The following PTPRD variants were observed in gnomAD, a reference collection of about 807,000 sequenced individuals.
The protein encoded by PTPRD is protein tyrosine phosphatase receptor type D, also known as receptor-type tyrosine-protein phosphatase delta.
PTPRD carries 34 observed loss-of-function variants against 214.5 expected under a neutral mutation model. The observed-to-expected ratio is 0.16, with a 90% CI of 0.12 to 0.21. PTPRD has a LOEUF of 0.21. Among genes scored for constraint, PTPRD ranks in the 10% least tolerant of loss-of-function variants. The probability of loss-of-function intolerance (pLI) is 1.00; values close to 1 mark genes in which losing one functional copy is unlikely to be tolerated. For missense variants in PTPRD, 2,545 were observed against 2,398.7 expected (o/e 1.06, Z -1.27); for synonymous variants, 1,128 against 845.7 (o/e 1.33, Z -5.79).
intron 11 of PTPRD, among the ~76,000 whole-genome samples, chr9:8,991,675 A>T (rs1052526975): frequency 6.6e-6 from 1 of 152,114 alleles, no homozygotes; most frequent in Admixed American, 6.6e-5. Context: ...TTTGAGTAAC[A>T]CATTAGTTCT....
At chr9:8,318,003 A>AAAAT (rs1358915370) in intron 45 of PTPRD, 61 bp from the exon 46 acceptor site, 12 of 1,508,384 alleles carry the variant, frequency 8.0e-6, no homozygotes, top group Non-Finnish European at 1.0e-5. Context: ...TTTTAATAGA[A>AAAAT]AAATAAAAAT....
rs537081904 is a variant in PTPRD at position 9,396,628 on chromosome 9, T to A, written c.-203+821A>T. 2.0e-5 allele frequency among the ~76,000 whole-genome samples: 3 copies of A among 152,118 alleles called. No individual in the cohort carries two copies. In the East Asian group the frequency reaches 5.8e-4, roughly 30 times the overall value. On this transcript the variant is annotated intron_variant, in intron 9 of 45. Coordinates refer to ENST00000381196, the MANE Select transcript of PTPRD (RefSeq NM_002839.4). ...ACCAGCTCCCACTCTGGCCATTTCT[T>A]ATTTTACCAAGCAGTCTAGTCTGAG...
intron 7 of PTPRD, among the ~76,000 whole-genome samples, chr9:9,586,027 C>T (rs762106508): frequency 4.6e-5 from 7 of 151,982 alleles, no homozygotes; most frequent in Admixed American, 1.3e-4. Flanking sequence ...AGTTGGTAGT[C>T]AGTGACCTGA....
At chr9:8,480,946 T>A (rs1382891168) in intron 30 of PTPRD, among the ~76,000 whole-genome samples, 1 of 152,018 alleles carries the variant, frequency 6.6e-6, no homozygotes, top group African/African-American at 2.4e-5. Flanking sequence ...GAGACCAACC[T>A]GGCTAACATG....
intron 27 of PTPRD, among the ~76,000 whole-genome samples, chr9:8,487,456 A>ATG (rs2097049779): frequency 1.3e-5 from 2 of 152,206 alleles, no homozygotes; most frequent in Admixed American, 1.3e-4. Context: ...AAGGCCAAGT[A>ATG]TGGTGGCTCA....
chr9:9,181,932 TG>T (rs1480157490), intron 10 of PTPRD, among the ~76,000 whole-genome samples: 4 of 152,154 alleles, frequency 2.6e-5, no homozygotes, highest in South Asian at 2.1e-4. Context: ...ATAATGTGCT[TG>T]GAAAATGGAA....
chr9:10,246,549 C>T (rs2092140654), intron 3 of PTPRD, among the ~76,000 whole-genome samples: 1 of 152,134 alleles, frequency 6.6e-6, no homozygotes, highest in Non-Finnish European at 1.5e-5. Context: ...GGCCAAGATA[C>T]ATGTTTTAAA....
At chr9:9,958,224 G>C (rs908060324) in intron 4 of PTPRD, among the ~76,000 whole-genome samples, 4 of 152,096 alleles carry the variant, frequency 2.6e-5, no homozygotes, top group Non-Finnish European at 5.9e-5. Flanking sequence ...GGATACATTG[G>C]ACTTTATTAA....
At chr9:9,053,509 T>C (rs992228787) in intron 10 of PTPRD, among the ~76,000 whole-genome samples, 3 of 152,034 alleles carry the variant, frequency 2.0e-5, no homozygotes, top group African/African-American at 4.8e-5. Context: ...ACAATGACTG[T>C]AGAAAAAAGA....
intron 37 of PTPRD, among the ~76,000 whole-genome samples, chr9:8,384,052 C>T (rs577401236): frequency 2.0e-5 from 3 of 152,254 alleles, no homozygotes; most frequent in African/African-American, 7.2e-5. Context: ...GGTGAACACT[C>T]ACACACTAAA....
At chr9:8,938,895 T>C (rs2099014362) in intron 11 of PTPRD, among the ~76,000 whole-genome samples, 1 of 152,180 alleles carries the variant, frequency 6.6e-6, no homozygotes, top group South Asian at 2.1e-4. Flanking sequence ...TTCATTGCCA[T>C]GTAATAATTA....
At chr9:8,775,006 C>A (rs184623107) in intron 11 of PTPRD, among the ~76,000 whole-genome samples, 1 of 152,218 alleles carries the variant, frequency 6.6e-6, no homozygotes, top group South Asian at 2.1e-4. Flanking sequence ...CAGAAAGGAA[C>A]AATTTTTGAT....
intron 6 of PTPRD, among the ~76,000 whole-genome samples, chr9:9,748,506 A>G (rs1376059916): frequency 4.6e-5 from 7 of 152,216 alleles, no homozygotes; most frequent in Non-Finnish European, 1.0e-4. Flanking sequence ...AGAAAAATAA[A>G]CAACACATCG....
intron 11 of PTPRD, among the ~76,000 whole-genome samples, chr9:8,907,020 G>A (rs1331563810): frequency 6.6e-6 from 1 of 152,014 alleles, no homozygotes; most frequent in Non-Finnish European, 1.5e-5. Context: ...GAAAACTGCC[G>A]AAATTTTGCA....
In PTPRD at chr9:10,150,425, A is replaced by C. The variant is rs1172453824; in HGVS notation, c.-544-116635T>G. 2.0e-5 allele frequency among the ~76,000 whole-genome samples: 3 copies of C among 152,004 alleles called. No homozygotes were observed. The East Asian group carries it at 5.9e-4, about 30-fold the overall frequency. On this transcript the variant is annotated intron_variant, in intron 3 of 45. Coordinates refer to ENST00000381196, the MANE Select transcript of PTPRD (RefSeq NM_002839.4). ...CCATTGCAGAAACAGAAAATCAAAC[A>C]CTGAATGTTCTCACTCATAGGTGGG...
At chr9:9,197,060 T>G (rs539668648) in intron 9 of PTPRD, among the ~76,000 whole-genome samples, 5 of 152,190 alleles carry the variant, frequency 3.3e-5, no homozygotes, top group African/African-American at 1.2e-4. Flanking sequence ...ATCCCCCAAC[T>G]TAGTTAATGT....
intron 8 of PTPRD, among the ~76,000 whole-genome samples, chr9:9,573,360 G>T (rs529422815): frequency 6.6e-6 from 1 of 150,864 alleles, no homozygotes; most frequent in Non-Finnish European, 1.5e-5. Flanking sequence ...ATGCTCTATA[G>T]GTTTAGTGAC....
chr9:9,889,302 T>C (rs2072290952), intron 5 of PTPRD, among the ~76,000 whole-genome samples: 9 of 152,190 alleles, frequency 5.9e-5, no homozygotes. Flanking sequence ...TGTGAGGTAA[T>C]GAATGTGTTA....
chr9:9,944,154 G>C (rs766693006), intron 4 of PTPRD, among the ~76,000 whole-genome samples: 5 of 152,084 alleles, frequency 3.3e-5, no homozygotes, highest in Non-Finnish European at 7.4e-5. Flanking sequence ...TGTTGAGATT[G>C]CATTGCAGCT....
Sources: allele counts gnomAD v4.1 joint callset (sites outside exome capture counted in the v4.1 genomes callset), GRCh38; gene constraint gnomAD v4.1.1; transcripts MANE v1.5; gene names NCBI Gene and HGNC (gene_info 2026-07-23, HGNC 2026-07-21).